The following TMEM232 variants were observed in gnomAD, a reference collection of about 807,000 sequenced individuals.
TMEM232 encodes transmembrane protein 232.
In TMEM232, 80 loss-of-function variants were observed where a neutral mutation model predicts 78.8. The observed-to-expected ratio is 1.01, with a 90% CI of 0.85 to 1.22. The LOEUF is 1.22. Among genes scored for constraint, TMEM232 ranks in the 50% most tolerant of loss-of-function variants. TMEM232 has a pLI of 0.00. For missense variants in TMEM232, 881 were observed against 742.2 expected, an observed-to-expected ratio of 1.19 and a Z score of -2.17; for synonymous variants, 297 against 254.3, an observed-to-expected ratio of 1.17 and a Z score of -1.60.
intron 12 of TMEM232, among the ~76,000 whole-genome samples, chr5:110,472,120 G>T (rs551569078): frequency 6.6e-6 from 1 of 152,010 alleles, no homozygotes; most frequent in South Asian, 2.1e-4. Context: ...GTCCTGATCT[G>T]CAGGAGATGT....
In TMEM232 at chr5:110,655,805, G is replaced by C. The variant is rs183618224; in HGVS notation, c.125+11423C>G. 2.0e-5 allele frequency among the ~76,000 whole-genome samples: 3 copies of C among 150,000 alleles called. No individual in the cohort carries two copies. In the East Asian group the frequency reaches 5.9e-4, roughly 30 times the overall value. On this transcript the variant is annotated intron_variant, in intron 2 of 13. Coordinates refer to ENST00000455884, the MANE Select transcript of TMEM232 (RefSeq NM_001039763.4). ...ATCATTCTCAGTAAACTATCGCAAGGACAAAAAACCAAACACTGCATGTTC... is the reference window on the plus strand; with the variant it reads ...ATCATTCTCAGTAAACTATCGCAAGCACAAAAAACCAAACACTGCATGTTC...
intron 11 of TMEM232, among the ~76,000 whole-genome samples, chr5:110,541,038 T>G (rs1282182503): frequency 1.3e-5 from 2 of 152,092 alleles, no homozygotes; most frequent in East Asian, 3.9e-4. Context: ...CAGGAACAGC[T>G]AATACAGGAG....
At chr5:110,483,226 A>C (rs1764084724) in intron 12 of TMEM232, among the ~76,000 whole-genome samples, 2 of 152,170 alleles carry the variant, frequency 1.3e-5, no homozygotes, top group South Asian at 4.1e-4. Flanking sequence ...TTGAAATTAA[A>C]TTGGTATCAA....
intron 3 of TMEM232, among the ~76,000 whole-genome samples, chr5:110,395,110 G>T (rs574944454): frequency 6.6e-6 from 1 of 152,154 alleles, no homozygotes; most frequent in South Asian, 2.1e-4. Context: ...CCTCCCTCAG[G>T]GGCATAGAGA....
Position 110,721,671 on chromosome 5 carries a change from G to GTATATATATATATATATATATATATATA in TMEM232, c.-13+4955_-13+4956insTATATATATATATATATATATATATATA, listed in dbSNP as rs1192575850. On this transcript the variant is annotated intron_variant, in intron 1 of 13. Coordinates refer to ENST00000455884, the MANE Select transcript of TMEM232 (RefSeq NM_001039763.4). ...CTGCATATCATGTGTGTGTGTGTGTGTGTATATATATATCTGTGTGTGTTA... is the reference window on the plus strand; with the variant it reads ...CTGCATATCATGTGTGTGTGTGTGTGTATATATATATATATATATATATATATATGTATATATATATCTGTGTGTGTTA... Among the ~76,000 whole-genome samples the GTATATATATATATATATATATATATATA allele has an allele frequency of 4.7e-3, 110 of 23,370 alleles. 4 individuals are homozygous for GTATATATATATATATATATATATATATA. Among genetic ancestry groups the GTATATATATATATATATATATATATATA allele is most frequent in the African/African-American group, 7.9e-3 (98 of 12,430 alleles). The allele number at this position is 23,370 out of a possible 152,430, so 15.3% of individuals were successfully genotyped here. A position where few individuals can be genotyped will look rare whatever the true frequency, so the allele number is the denominator to read the frequency against.
intron 1 of TMEM232, among the ~76,000 whole-genome samples, chr5:110,718,631 A>T (rs1561563610): frequency 6.6e-6 from 1 of 150,920 alleles, no homozygotes; most frequent in Non-Finnish European, 1.5e-5. Context: ...GTGAAGATTA[A>T]TTTTTTTTTA....
At chr5:110,585,075 A>C (rs574144425) in intron 10 of TMEM232, among the ~76,000 whole-genome samples, 1 of 152,224 alleles carries the variant, frequency 6.6e-6, no homozygotes, top group African/African-American at 2.4e-5. Flanking sequence ...TTATTCTTCA[A>C]ATATGTAAGG....
intron 13 of TMEM232, among the ~76,000 whole-genome samples, chr5:110,423,089 C>G (rs1436229040): frequency 6.6e-6 from 1 of 152,068 alleles, no homozygotes; most frequent in East Asian, 1.9e-4. Context: ...AGTCTGTTGG[C>G]TTAGAAGGAG....
At chr5:110,391,720 AG>A (rs1486780899) in intron 3 of TMEM232, among the ~76,000 whole-genome samples, 2 of 152,212 alleles carry the variant, frequency 1.3e-5, no homozygotes, top group African/African-American at 2.4e-5. Flanking sequence ...CAGTATAATT[AG>A]ATTGTTTCAT....
chr5:110,415,099 C>G (rs1458097995), downstream of TMEM232, among the ~76,000 whole-genome samples: 1 of 152,122 alleles, frequency 6.6e-6, no homozygotes, highest in African/African-American at 2.4e-5. Context: ...ACTCAGGCTC[C>G]TTATCTATTT....
intron 12 of TMEM232, among the ~76,000 whole-genome samples, chr5:110,433,827 G>C (rs1758119400): frequency 6.6e-6 from 1 of 152,010 alleles, no homozygotes; most frequent in South Asian, 2.1e-4. Context: ...CAGGAATAAA[G>C]CCCACTTGAT....
chr5:110,640,862 G>A, intron 4 of TMEM232, 29 bp downstream of exon 4: 2 of 1,424,688 alleles, frequency 1.4e-6, no homozygotes, highest in Non-Finnish European at 1.9e-6. Context: ...AAATACTTAG[G>A]ATGCCTAATA....
chr5:110,556,637 T>C (rs563397042), intron 11 of TMEM232, among the ~76,000 whole-genome samples: 1 of 152,250 alleles, frequency 6.6e-6, no homozygotes, highest in Non-Finnish European at 1.5e-5. Context: ...TCCACCCAAC[T>C]CAGCCTCCCA....
At chr5:110,534,764 C>G (rs915308247) in intron 11 of TMEM232, among the ~76,000 whole-genome samples, 2 of 152,188 alleles carry the variant, frequency 1.3e-5, no homozygotes, top group African/African-American at 4.8e-5. Context: ...TATGCTGAAT[C>G]TCCTTAGGCA....
At chr5:110,399,586 C>T (rs1439842838) in intron 2 of TMEM232, among the ~76,000 whole-genome samples, 3 of 151,994 alleles carry the variant, frequency 2.0e-5, no homozygotes, top group Non-Finnish European at 4.4e-5. Flanking sequence ...CTCTGAAAAC[C>T]ATCTCCAAAT....
At chr5:110,394,971 T>C (rs1580545607) in intron 3 of TMEM232, among the ~76,000 whole-genome samples, 1 of 152,268 alleles carries the variant, frequency 6.6e-6, no homozygotes, top group African/African-American at 2.4e-5. Flanking sequence ...GTTTGGGGCA[T>C]TCTCTGTTGT....
intron 7 of TMEM232, 59 bp downstream of exon 7, chr5:110,625,208 T>C: frequency 5.8e-6 from 8 of 1,369,178 alleles, no homozygotes; most frequent in South Asian, 5.2e-5. Context: ...TACTTAATCA[T>C]AGTAATGATA....
intron 10 of TMEM232, among the ~76,000 whole-genome samples, chr5:110,575,052 G>A (rs115488231): frequency 6.6e-6 from 1 of 151,964 alleles, no homozygotes. Context: ...GACAACAATA[G>A]AGATAGGGGT....
At chr5:110,706,742 A>G (rs2150297170) in intron 1 of TMEM232, among the ~76,000 whole-genome samples, 1 of 152,324 alleles carries the variant, frequency 6.6e-6, no homozygotes. Flanking sequence ...GAGCGCCTAA[A>G]GAAATAATCC....
Sources: gnomAD v4.1 joint callset for allele counts (sites outside exome capture counted in the v4.1 genomes callset) on GRCh38, gnomAD v4.1.1 for gene constraint, MANE v1.5 for transcripts, NCBI Gene and HGNC (gene_info 2026-07-23, HGNC 2026-07-21) for gene names.